AGBL1: variants seen among roughly 807,000 people sequenced by gnomAD.
AGBL1 encodes the protein cytosolic carboxypeptidase 4.
A neutral mutation model predicts 118.9 loss-of-function variants in AGBL1; 130 were observed. The ratio of observed to expected loss-of-function variants is 1.09; its 90% CI spans 0.95 to 1.26. AGBL1 has a LOEUF of 1.26. AGBL1 is among the 50% of genes most tolerant of loss of function. The pLI is 0.00. For synonymous variants in AGBL1, 555 were observed against 478.9 expected, an observed-to-expected ratio of 1.16 and a Z score of -2.08; for missense variants, 1,584 against 1,298.1, an observed-to-expected ratio of 1.22 and a Z score of -3.38.
intron 21 of AGBL1, among the ~76,000 whole-genome samples, chr15:86,581,434 T>A (rs915027150): frequency 1.3e-5 from 2 of 152,182 alleles, no homozygotes; most frequent in Admixed American, 1.3e-4. Flanking sequence ...TAAATTATCA[T>A]AGAAAGGAAT....
chr15:86,116,434 T>C (rs534511023), intron 1 of AGBL1: 1 of 152,350 alleles, frequency 6.6e-6, no homozygotes, highest in East Asian at 1.9e-4. Flanking sequence ...TGGTAAAGCA[T>C]TATTTCTGGC....
At chr15:86,157,475 T>C (rs1377908566) in intron 4 of AGBL1, among the ~76,000 whole-genome samples, 5 of 152,178 alleles carry the variant, frequency 3.3e-5, no homozygotes, top group African/African-American at 4.8e-5. Flanking sequence ...TATGGAGATT[T>C]AGAAAAATTC....
chr15:86,471,460 G>T (rs770788994), intron 18 of AGBL1, among the ~76,000 whole-genome samples: 15 of 149,208 alleles, frequency 1.0e-4, no homozygotes, highest in Non-Finnish European at 2.2e-4. Flanking sequence ...TATTTTGTGA[G>T]AATTTTTGTA....
At chr15:86,152,671 TAA>T (rs1361808593) in intron 3 of AGBL1, among the ~76,000 whole-genome samples, 4 of 152,298 alleles carry the variant, frequency 2.6e-5, no homozygotes, top group East Asian at 3.9e-4. Flanking sequence ...ACATGGGATC[TAA>T]TTAAACTAAA....
chr15:86,765,351 A>G (rs2078081494), intron 22 of AGBL1, among the ~76,000 whole-genome samples: 1 of 152,030 alleles, frequency 6.6e-6, no homozygotes, highest in South Asian at 2.1e-4. Flanking sequence ...TATGTTTGTT[A>G]AGGCCCTCAC....
rs146127032 is a variant in AGBL1 at position 86,747,081 on chromosome 15, G to A, written c.3158+72645G>A. Among the ~76,000 whole-genome samples, 274 of 152,032 alleles carry A rather than the reference G, an allele frequency of 1.8e-3. 1 individual carries two copies. The highest frequency in any genetic ancestry group is 6.0e-3 in the African/African-American group (248 of 41,478). The stretch of plus-strand genomic sequence containing the variant: ...CAATGTCTCAGCTTCACAGCCCCCC[G>A]AGCATATGCACCCCAGGACTCTAGA... On this transcript the variant is annotated intron_variant, in intron 22 of 22. Coordinates refer to ENST00000614907, the MANE Select transcript of AGBL1 (RefSeq NM_001386094.1).
intron 17 of AGBL1, among the ~76,000 whole-genome samples, chr15:86,378,163 A>G (rs1367503218): frequency 6.6e-6 from 1 of 152,208 alleles, no homozygotes; most frequent in Non-Finnish European, 1.5e-5. Context: ...CAGCAAAGAA[A>G]GAGTGGGGCA....
chr15:86,897,113 T>G (rs932446646), intron 22 of AGBL1, among the ~76,000 whole-genome samples: 2 of 152,220 alleles, frequency 1.3e-5, no homozygotes, highest in East Asian at 3.8e-4. Flanking sequence ...GACTCCACAG[T>G]AGAGAACATT....
chr15:86,676,545 T>C (rs888412802), intron 22 of AGBL1, among the ~76,000 whole-genome samples: 1 of 148,730 alleles, frequency 6.7e-6, no homozygotes, highest in African/African-American at 2.4e-5. Context: ...TCCTGAGATA[T>C]AATAATCAGC....
intron 17 of AGBL1, among the ~76,000 whole-genome samples, chr15:86,336,184 G>A (rs1205791296): frequency 6.6e-6 from 1 of 152,180 alleles, no homozygotes; most frequent in East Asian, 1.9e-4. Context: ...GGCCAGCAAG[G>A]AAGTGGTTTG....
At chr15:86,305,854 A>G (rs1409276080) in intron 17 of AGBL1, among the ~76,000 whole-genome samples, 1 of 152,174 alleles carries the variant, frequency 6.6e-6, no homozygotes, top group African/African-American at 2.4e-5. Flanking sequence ...TCTCTTTCCC[A>G]TTAATCTGAG....
chr15:86,774,259 C>G (rs1393170967), intron 22 of AGBL1, among the ~76,000 whole-genome samples: 1 of 152,102 alleles, frequency 6.6e-6, no homozygotes, highest in Non-Finnish European at 1.5e-5. Flanking sequence ...AAAATAAAAT[C>G]TTTCTCCCCT....
At chr15:86,499,268 G>T (rs2082890265) in intron 18 of AGBL1, among the ~76,000 whole-genome samples, 1 of 151,908 alleles carries the variant, frequency 6.6e-6, no homozygotes, top group Admixed American at 6.6e-5. Flanking sequence ...GCCTGGCATA[G>T]AAAAACACGC....
At chr15:86,146,989 GA>G (rs1180503676) in intron 3 of AGBL1, among the ~76,000 whole-genome samples, 1 of 152,156 alleles carries the variant, frequency 6.6e-6, no homozygotes, top group Non-Finnish European at 1.5e-5. Context: ...ATCACCCATT[GA>G]CAGGTATCAT....
Position 86,626,836 on chromosome 15 carries a change from C to CTTT in AGBL1, c.2995-47420_2995-47418dup, listed in dbSNP as rs11318598. The stretch of plus-strand genomic sequence containing the variant: ...ACCAATACAAGAGTAATATACTTTT[C>CTTT]TTTTTTTTTTTTTTTTTTTGAGACA... On this transcript the variant is annotated intron_variant, in intron 21 of 22. Coordinates refer to ENST00000614907, the MANE Select transcript of AGBL1 (RefSeq NM_001386094.1). Among the ~76,000 whole-genome samples the CTTT allele has an allele frequency of 3.5e-4, 41 of 117,824 alleles. 1 individual carries two copies. Among genetic ancestry groups the CTTT allele is most frequent in the African/African-American group, 1.1e-3 (33 of 31,074 alleles). The allele number at this position is 117,824 out of a possible 152,430, so 77.3% of individuals were successfully genotyped here.
intron 22 of AGBL1, among the ~76,000 whole-genome samples, chr15:86,766,671 A>G (rs984702470): frequency 1.3e-5 from 2 of 151,810 alleles, no homozygotes; most frequent in Non-Finnish European, 2.9e-5. Flanking sequence ...TCATATATTG[A>G]TTGAGTGTCA....
downstream of AGBL1, among the ~76,000 whole-genome samples, chr15:87,029,270 G>T (rs1322925972): frequency 1.3e-5 from 2 of 151,636 alleles, no homozygotes; most frequent in Non-Finnish European, 2.9e-5. Context: ...GTAGCATCAG[G>T]GGCTCAATAT....
intron 21 of AGBL1, among the ~76,000 whole-genome samples, chr15:86,616,250 T>G (rs2084719860): frequency 6.6e-6 from 1 of 150,456 alleles, no homozygotes; most frequent in Non-Finnish European, 1.5e-5. Flanking sequence ...GGCAGGAGAA[T>G]CGCTTGAACC....
At chr15:86,391,250 A>G (rs901237405) in intron 17 of AGBL1, among the ~76,000 whole-genome samples, 1 of 152,306 alleles carries the variant, frequency 6.6e-6, no homozygotes, top group African/African-American at 2.4e-5. Context: ...AAAGATAGAA[A>G]CATCTTTTAA....
Sources: gnomAD v4.1 joint callset for allele counts (sites outside exome capture counted in the v4.1 genomes callset) on GRCh38, gnomAD v4.1.1 for gene constraint, MANE v1.5 for transcripts, NCBI Gene and HGNC (gene_info 2026-07-23, HGNC 2026-07-21) for gene names.